GRK5: variants seen among roughly 807,000 people sequenced by gnomAD.
GRK5 encodes g protein-coupled receptor kinase GRK5.
In GRK5, 40 loss-of-function variants were observed where a neutral mutation model predicts 78.4. The ratio of observed to expected loss-of-function variants is 0.51; its 90% CI spans 0.40 to 0.66. The LOEUF (loss-of-function observed/expected upper bound fraction) is 0.66. Among genes scored for constraint, GRK5 ranks in the 30% least tolerant of loss-of-function variants. GRK5 has a pLI of 0.00. For synonymous variants in GRK5, 289 were observed against 296.8 expected (o/e 0.97, Z 0.27); for missense variants, 598 against 759.9 (o/e 0.79, Z 2.50).
chr10:119,307,693 C>A lies in GRK5; in HGVS notation c.53-18823C>A, dbSNP rs548776352. On this transcript the variant is annotated intron_variant, in intron 1 of 15. Transcript: ENST00000392870. ...GGATAATACATTTGTGTCTATAGCA[C>A]TCCATTTGTGCCGTTAATAACTTGT... 6.6e-4 allele frequency among the ~76,000 whole-genome samples: 100 copies of A among 152,116 alleles called. 1 individual carries two copies. The highest frequency in any genetic ancestry group is 1.3e-3 in the Non-Finnish European group (86 of 68,030).
intron 1 of GRK5, among the ~76,000 whole-genome samples, chr10:119,302,992 C>T (rs934455333): frequency 5.3e-5 from 8 of 152,162 alleles, no homozygotes; most frequent in African/African-American, 1.4e-4. Context: ...GTTGATGGAT[C>T]GAATATCTTG....
chr10:119,425,814 G>A (rs970716774), intron 6 of GRK5, among the ~76,000 whole-genome samples: 3 of 152,246 alleles, frequency 2.0e-5, no homozygotes, highest in Non-Finnish European at 4.4e-5. Flanking sequence ...TCGCCCATGC[G>A]TGGCTGTGAC....
At chr10:119,453,102 G>T (rs903151737) in intron 14 of GRK5, 43 bp from the exon 15 acceptor site, 2 of 1,283,398 alleles carry the variant, frequency 1.6e-6, no homozygotes, top group Non-Finnish European at 2.3e-6. Context: ...CTTCCTGACT[G>T]CCCCAGTTGA....
At chr10:119,310,770 A>G (rs1850344580) in intron 1 of GRK5, among the ~76,000 whole-genome samples, 1 of 152,246 alleles carries the variant, frequency 6.6e-6, no homozygotes, top group Admixed American at 6.5e-5. Flanking sequence ...TGCCTCACAC[A>G]GTGCGAGGGC....
intron 2 of GRK5, among the ~76,000 whole-genome samples, chr10:119,372,298 G>A (rs1359617409): frequency 1.3e-5 from 2 of 152,210 alleles, no homozygotes; most frequent in Non-Finnish European, 2.9e-5. Context: ...TCTGAACTAT[G>A]TACTAATCAG....
intron 1 of GRK5, among the ~76,000 whole-genome samples, chr10:119,273,755 C>T (rs1849623103): frequency 6.6e-6 from 1 of 152,118 alleles, no homozygotes. Context: ...GAGATTTTTG[C>T]ACAGTCTCCT....
chr10:119,416,323 C>A (rs1012549056), intron 4 of GRK5, among the ~76,000 whole-genome samples: 3 of 152,254 alleles, frequency 2.0e-5, no homozygotes, highest in African/African-American at 7.2e-5. Flanking sequence ...TTGGCGACGC[C>A]ATCCTCGGGG....
chr10:119,387,499 G>A (rs1268170419), intron 3 of GRK5, among the ~76,000 whole-genome samples: 2 of 152,218 alleles, frequency 1.3e-5, no homozygotes, highest in African/African-American at 4.8e-5. Flanking sequence ...TCCTGCCACT[G>A]CCACCTGTCC....
intron 2 of GRK5, among the ~76,000 whole-genome samples, chr10:119,359,910 T>C (rs1851330987): frequency 6.6e-6 from 1 of 151,936 alleles, no homozygotes. Context: ...AGTGGGTACC[T>C]GGCTAGCAGG....
chr10:119,441,605 T>C (rs1329505727), intron 10 of GRK5, among the ~76,000 whole-genome samples: 1 of 152,210 alleles, frequency 6.6e-6, no homozygotes, highest in Non-Finnish European at 1.5e-5. Context: ...TTTTATAATT[T>C]TTTCCCCTTA....
At chr10:119,424,347 A>G (rs1349816916) in intron 5 of GRK5, among the ~76,000 whole-genome samples, 1 of 152,212 alleles carries the variant, frequency 6.6e-6, no homozygotes, top group East Asian at 1.9e-4. Context: ...TCTAAAGGAA[A>G]GAAGCTGCCT....
chr10:119,243,069 T>G (rs528975268), intron 1 of GRK5, among the ~76,000 whole-genome samples: 1 of 152,272 alleles, frequency 6.6e-6, no homozygotes, highest in East Asian at 1.9e-4. Flanking sequence ...TGAAACCCTG[T>G]CTCTACTAAA....
rs1223265191 is a variant in GRK5 at position 119,443,545 on chromosome 10, T to A, written c.1059T>A (p.Ala353=). The A allele has an allele frequency of 3.1e-6, 5 of 1,601,870 alleles. No individual in the cohort carries two copies. The highest frequency in any genetic ancestry group is 4.3e-6 in the Non-Finnish European group (5 of 1,169,914). ...RGRVGTVGYM[A]PEVLNNQRYG... ...CTCTCTCCTCTCCTCTGCCCCCAGC[T>A]CCAGAGGTCCTGAACAACCAGAGGT... is the stretch of plus-strand genomic sequence containing the variant. The change falls in exon 12 of 16, where the codon GCT becomes GCA. Residue 353 remains alanine, a splice_region_variant and synonymous_variant. Transcript: ENST00000392870.
intron 3 of GRK5, among the ~76,000 whole-genome samples, chr10:119,394,931 G>A (rs1324622562): frequency 6.7e-6 from 1 of 148,346 alleles, no homozygotes; most frequent in African/African-American, 2.5e-5. Context: ...AGAAGAAAGA[G>A]CCACCTTAAA....
At chr10:119,287,375 GGGA>G (rs1849871585) in intron 1 of GRK5, among the ~76,000 whole-genome samples, 9 of 29,750 alleles carry the variant, frequency 3.0e-4, no homozygotes, top group South Asian at 1.1e-3. Context: ...GAGAGAGGGA[GGGA>G]GGAAGGAAGG....
In GRK5 at chr10:119,314,457, A is replaced by G. The variant is rs565501813; in HGVS notation, c.53-12059A>G. 2.0e-5 allele frequency among the ~76,000 whole-genome samples: 3 copies of G among 152,270 alleles called. No individual in the cohort carries two copies. The South Asian group carries it at 6.2e-4, about 32-fold the overall frequency. Reference sequence around the variant, plus strand: ...TGAAGCTGGTGGTGCCAGCCGCGGAATGCACCCTTGGACAGGGAGAGGCTC... The same window carrying G: ...TGAAGCTGGTGGTGCCAGCCGCGGAGTGCACCCTTGGACAGGGAGAGGCTC... On this transcript the variant is annotated intron_variant, in intron 1 of 15. Transcript: ENST00000392870.
intron 1 of GRK5, among the ~76,000 whole-genome samples, chr10:119,248,326 T>C (rs1385964122): frequency 6.6e-6 from 1 of 152,232 alleles, no homozygotes; most frequent in Non-Finnish European, 1.5e-5. Context: ...GTCGTTATTT[T>C]TGATCCATAA....
intron 3 of GRK5, among the ~76,000 whole-genome samples, chr10:119,393,602 C>T (rs779981019): frequency 1.3e-5 from 2 of 152,212 alleles, no homozygotes; most frequent in Non-Finnish European, 2.9e-5. Context: ...CCCACGGTGC[C>T]GGACCAACGG....
intron 1 of GRK5, among the ~76,000 whole-genome samples, chr10:119,269,700 G>T (rs1377557992): frequency 5.3e-5 from 8 of 151,934 alleles, no homozygotes; most frequent in African/African-American, 1.9e-4. Flanking sequence ...GGGCATGGTG[G>T]TGTGCTCCTG....
Sources: gnomAD v4.1 joint callset for allele counts (sites outside exome capture counted in the v4.1 genomes callset) on GRCh38, gnomAD v4.1.1 for gene constraint, MANE v1.5 for transcripts, NCBI Gene and HGNC (gene_info 2026-07-23, HGNC 2026-07-21) for gene names.